Variants in KATNBL1 observed in about 807,000 individuals in gnomAD.
KATNBL1 encodes the protein katanin regulatory subunit B1 like 1.
KATNBL1 carries 28 observed loss-of-function variants against 44.7 expected under a neutral mutation model. The ratio of observed to expected loss-of-function variants is 0.63; its 90% confidence interval spans 0.46 to 0.86. The LOEUF (loss-of-function observed/expected upper bound fraction) is 0.86. Ranked by LOEUF, KATNBL1 falls within the 40% of genes least tolerant of loss-of-function variation. The probability of loss-of-function intolerance (pLI) is 0.00; values close to 1 mark genes in which losing one functional copy is unlikely to be tolerated. For missense variants in KATNBL1, 272 were observed against 350.7 expected, an observed-to-expected ratio of 0.78 and a Z score of 1.79; for synonymous variants, 78 against 114.9, an observed-to-expected ratio of 0.68 and a Z score of 2.06.
At chr15:34,147,468 T>C in intron 5 of KATNBL1, 38 bp from the exon 6 acceptor site, 2 of 1,502,726 alleles carry the variant, frequency 1.3e-6, no homozygotes, top group Non-Finnish European at 1.8e-6. Context: ...CTTAGAGAGC[T>C]GATTTCCTTA....
intron 1 of KATNBL1, among the ~76,000 whole-genome samples, chr15:34,199,308 G>A (rs1373160685): frequency 6.6e-6 from 1 of 152,104 alleles, no homozygotes; most frequent in Non-Finnish European, 1.5e-5. Flanking sequence ...GTGGTGGCAT[G>A]AGCCTCGAGT....
intron 4 of KATNBL1, among the ~76,000 whole-genome samples, chr15:34,151,383 G>A (rs1888464869): frequency 7.0e-6 from 1 of 142,258 alleles, no homozygotes; most frequent in African/African-American, 2.6e-5. Context: ...TCATATGCTT[G>A]TCACCTACAT....
At chr15:34,179,026 T>C (rs1889431408) in intron 1 of KATNBL1, among the ~76,000 whole-genome samples, 1 of 152,198 alleles carries the variant, frequency 6.6e-6, no homozygotes, top group African/African-American at 2.4e-5. Context: ...TCAATGGGAC[T>C]GGTGCTTACA....
At chr15:34,170,668 T>C (rs1036285696) in intron 1 of KATNBL1, among the ~76,000 whole-genome samples, 95 of 152,262 alleles carry the variant, frequency 6.2e-4, no homozygotes, top group African/African-American at 1.1e-3. Flanking sequence ...GGAGGCATCA[T>C]GCTACCTGAC....
At chr15:34,193,960 G>A (rs1889963819) in intron 1 of KATNBL1, among the ~76,000 whole-genome samples, 1 of 143,732 alleles carries the variant, frequency 7.0e-6, no homozygotes, top group African/African-American at 2.5e-5. Context: ...TTATTTTTTT[G>A]AGATGGAGTC....
intron 1 of KATNBL1, among the ~76,000 whole-genome samples, chr15:34,207,232 G>A (rs1463846310): frequency 6.6e-6 from 1 of 151,366 alleles, no homozygotes; most frequent in Non-Finnish European, 1.5e-5. Context: ...TTTTTGAGAT[G>A]GAGTCTCACT....
chr15:34,189,846 A>G (rs1889822715), intron 1 of KATNBL1, among the ~76,000 whole-genome samples: 1 of 152,204 alleles, frequency 6.6e-6, no homozygotes, highest in South Asian at 2.1e-4. Flanking sequence ...CTGCTATTTT[A>G]GGGTTCATTT....
At chr15:34,159,814 A>T (rs1487022068) in intron 2 of KATNBL1, among the ~76,000 whole-genome samples, 2 of 152,158 alleles carry the variant, frequency 1.3e-5, no homozygotes, top group African/African-American at 4.8e-5. Flanking sequence ...ATTTGATACT[A>T]GCTGATCAGT....
chr15:34,160,083 C>G (rs1888751361), intron 2 of KATNBL1, among the ~76,000 whole-genome samples: 1 of 152,214 alleles, frequency 6.6e-6, no homozygotes, highest in Admixed American at 6.5e-5. Flanking sequence ...CTCAAAAGCT[C>G]TAAGTGGCAT....
chr15:34,169,714 AG>A (rs2140942701), intron 1 of KATNBL1, among the ~76,000 whole-genome samples: 1 of 152,360 alleles, frequency 6.6e-6, no homozygotes, highest in African/African-American at 2.4e-5. Flanking sequence ...AACCGAATCC[AG>A]CAGCACATCA....
chr15:34,146,732 C>G (rs1411769391), intron 8 of KATNBL1, 29 bp downstream of exon 8: 1 of 1,293,082 alleles, frequency 7.7e-7, no homozygotes, highest in Admixed American at 1.7e-5. Context: ...AAAATTTCAG[C>G]ATGAGTTTAT....
chr15:34,181,845 T>C (rs1293891160), intron 1 of KATNBL1, among the ~76,000 whole-genome samples: 1 of 107,046 alleles, frequency 9.3e-6, no homozygotes, highest in Middle Eastern at 5.7e-3. Context: ...TATATACACA[T>C]ATATATAGTC....
chr15:34,208,373 T>C (rs1890348082), intron 1 of KATNBL1: 1 of 152,268 alleles, frequency 6.6e-6, no homozygotes, highest in African/African-American at 2.4e-5. Context: ...TTGTAACTGA[T>C]GAATGACATT....
chr15:34,151,593 A>G (rs933428968), intron 4 of KATNBL1, among the ~76,000 whole-genome samples: 1 of 151,382 alleles, frequency 6.6e-6, no homozygotes, highest in Non-Finnish European at 1.5e-5. Context: ...CTGGCATTAC[A>G]GGCGTGCACC....
chr15:34,154,198 A>G (rs890896508), intron 3 of KATNBL1, among the ~76,000 whole-genome samples: 4 of 152,200 alleles, frequency 2.6e-5, no homozygotes, highest in African/African-American at 7.2e-5. Context: ...AAGACAGTCA[A>G]TGTCTTAGTA....
rs992648501 is a variant in KATNBL1, at chr15:34,163,418, G to A, written c.117+142C>T. On this transcript the variant is annotated intron_variant, in intron 2 of 9. Coordinates refer to ENST00000256544, the MANE Select transcript of KATNBL1 (RefSeq NM_024713.3). ...CAAAGAAAAAAAAAGAAATACATTG[G>A]TTATATTTCACCAATTCAACTTAAT... The A allele has an allele frequency of 5.3e-6, 5 of 944,712 alleles. No individual in the cohort carries two copies. In the African/African-American group the frequency reaches 6.9e-5, roughly 13 times the overall value. The allele number at this position is 944,712 out of a possible 1,614,324, so 58.5% of individuals were successfully genotyped here.
At chr15:34,202,082 G>A (rs902791461) in intron 1 of KATNBL1, among the ~76,000 whole-genome samples, 7 of 152,080 alleles carry the variant, frequency 4.6e-5, no homozygotes, top group African/African-American at 7.2e-5. Context: ...GGAACCAATC[G>A]CCCATAGATA....
intron 1 of KATNBL1, among the ~76,000 whole-genome samples, chr15:34,193,645 A>G (rs1889950127): frequency 6.6e-6 from 1 of 151,998 alleles, no homozygotes; most frequent in South Asian, 2.1e-4. Flanking sequence ...TGAGCCCAGG[A>G]GTTTGAGACC....
At chr15:34,186,729 C>T (rs1889727287) in intron 1 of KATNBL1, among the ~76,000 whole-genome samples, 2 of 152,240 alleles carry the variant, frequency 1.3e-5, no homozygotes, top group African/African-American at 4.8e-5. Context: ...TGGCCTCTCT[C>T]TGCTCCCAGC....
Sources: allele counts gnomAD v4.1 joint callset (sites outside exome capture counted in the v4.1 genomes callset), GRCh38; gene constraint gnomAD v4.1.1; transcripts MANE v1.5; gene names NCBI Gene and HGNC (gene_info 2026-07-23, HGNC 2026-07-21).